Variants in ACTR3C observed in about 807,000 individuals in gnomAD.
ACTR3C encodes the protein actin related protein 3C, also known as actin-related protein 3C.
ACTR3C carries 18 observed loss-of-function variants against 26.3 expected under a neutral mutation model. The ratio of observed to expected loss-of-function variants is 0.68; its 90% CI spans 0.47 to 1.01. ACTR3C has a LOEUF of 1.01. Ranked by LOEUF, ACTR3C falls within the 50% of genes least tolerant of loss-of-function variation. The pLI, the probability that ACTR3C is intolerant of heterozygous loss-of-function variation, is 0.00. For missense variants in ACTR3C, 184 were observed against 250.7 expected (o/e 0.73, Z 1.80); for synonymous variants, 55 against 94.5 (o/e 0.58, Z 2.42).
chr7:150,045,856 C>G, the ACTR3C span, among the ~76,000 whole-genome samples: 1 of 152,214 alleles, frequency 6.6e-6, no homozygotes, highest in Non-Finnish European at 1.5e-5. Context: ...TGTTCTCACT[C>G]CAAACATCCA....
chr7:150,167,400 T>C, the ACTR3C span, among the ~76,000 whole-genome samples: 1 of 150,858 alleles, frequency 6.6e-6, no homozygotes, highest in Non-Finnish European at 1.5e-5. Flanking sequence ...ATCTATTTCC[T>C]ACAGCCCATG....
chr7:150,169,403 A>G, the ACTR3C span, among the ~76,000 whole-genome samples: 33 of 145,248 alleles, frequency 2.3e-4, no homozygotes, highest in Non-Finnish European at 1.8e-4. Context: ...AAAAAAAAAA[A>G]AAGAAGAAGA....
intron 6 of ACTR3C, among the ~76,000 whole-genome samples, chr7:150,269,419 C>A (rs190746995): frequency 1.3e-5 from 2 of 149,008 alleles, no homozygotes; most frequent in African/African-American, 5.1e-5. Flanking sequence ...CAAACCCCCC[C>A]ACCCGTGGGC....
chr7:149,996,729 C>A, the ACTR3C span, among the ~76,000 whole-genome samples: 7 of 146,814 alleles, frequency 4.8e-5, no homozygotes, highest in East Asian at 1.5e-3. Flanking sequence ...CTTTACAAAC[C>A]AAACATAACC....
At chr7:150,232,545 C>T in the ACTR3C span, among the ~76,000 whole-genome samples, 2 of 146,896 alleles carry the variant, frequency 1.4e-5, no homozygotes, top group Non-Finnish European at 2.9e-5. Context: ...ATTTTAAGGC[C>T]AGGCACAGTG....
At chr7:150,080,682 C>T in the ACTR3C span, among the ~76,000 whole-genome samples, 1 of 152,168 alleles carries the variant, frequency 6.6e-6, no homozygotes, top group East Asian at 1.9e-4. Flanking sequence ...GGTGAGATTC[C>T]ACATGATCAC....
chr7:150,154,521 G>T, the ACTR3C span, among the ~76,000 whole-genome samples: 1 of 151,966 alleles, frequency 6.6e-6, no homozygotes. Context: ...CAATGCCTGA[G>T]TCAAGAGCAA....
At chr7:150,092,887 T>G in the ACTR3C span, among the ~76,000 whole-genome samples, 1 of 151,424 alleles carries the variant, frequency 6.6e-6, no homozygotes, top group Non-Finnish European at 1.5e-5. Flanking sequence ...CTGTGGAGAA[T>G]TGGCTCCAGA....
At chr7:150,090,924 G>A in the ACTR3C span, among the ~76,000 whole-genome samples, 2 of 152,200 alleles carry the variant, frequency 1.3e-5, no homozygotes, top group African/African-American at 2.4e-5. Context: ...TCTGGAGTGA[G>A]GCAGAATCTA....
chr7:150,272,907 C>G lies in ACTR3C; in HGVS notation c.564+11846G>C, dbSNP rs559579759. On this transcript the variant is annotated intron_variant, in intron 6 of 7. Transcript: ENST00000683684. ...ATGGGGTCTTGCTATGTCAACCAGG[C>G]TGGTTTCCAGCTCCTGGTCTTAAAC... Among the ~76,000 whole-genome samples the G allele has an allele frequency of 5.0e-5, 7 of 138,716 alleles. No homozygotes were observed. In the East Asian group the frequency reaches 1.4e-3, roughly 28 times the overall value. The allele number at this position is 138,716 out of a possible 152,430, so 91.0% of individuals were successfully genotyped here. A position where few individuals can be genotyped will look rare whatever the true frequency, so the allele number is the denominator to read the frequency against.
the ACTR3C span, among the ~76,000 whole-genome samples, chr7:150,154,515 G>A: frequency 2.0e-5 from 3 of 151,960 alleles, no homozygotes; most frequent in Non-Finnish European, 4.4e-5. Context: ...CTACTTCAAT[G>A]CCTGAGTCAA....
chr7:150,037,080 CT>C, the ACTR3C span, among the ~76,000 whole-genome samples: 2 of 110,588 alleles, frequency 1.8e-5, no homozygotes, highest in African/African-American at 6.3e-5. Context: ...GTGCCTCCCC[CT>C]CGTGCGATGG....
At chr7:150,299,116 G>A (rs1302982454) in intron 1 of ACTR3C, among the ~76,000 whole-genome samples, 1 of 151,108 alleles carries the variant, frequency 6.6e-6, no homozygotes, top group Non-Finnish European at 1.5e-5. Context: ...CAGAGTAGCT[G>A]GGATTACAGG....
At chr7:150,315,560 C>A (rs1218052991) in intron 1 of ACTR3C, among the ~76,000 whole-genome samples, 1 of 152,126 alleles carries the variant, frequency 6.6e-6, no homozygotes, top group Non-Finnish European at 1.5e-5. Context: ...TGTTAGCATT[C>A]AACATATTTT....
the ACTR3C span, among the ~76,000 whole-genome samples, chr7:150,100,761 T>C: frequency 4.0e-5 from 6 of 151,460 alleles, no homozygotes; most frequent in Non-Finnish European, 1.5e-5. Context: ...TGGAGTGCAG[T>C]GGTGCGATCT....
chr7:150,169,033 G>A, the ACTR3C span, among the ~76,000 whole-genome samples: 7 of 150,592 alleles, frequency 4.6e-5, no homozygotes, highest in Admixed American at 4.6e-4. Context: ...AATTAATTAG[G>A]TATAGACGAG....
the ACTR3C span, among the ~76,000 whole-genome samples, chr7:150,152,704 A>G: frequency 3.3e-5 from 5 of 152,304 alleles, no homozygotes; most frequent in South Asian, 1.0e-3. Context: ...GAATTGTTTC[A>G]GAAGGAATGG....
At chr7:150,133,290 G>A in the ACTR3C span, among the ~76,000 whole-genome samples, 1 of 152,134 alleles carries the variant, frequency 6.6e-6, no homozygotes, top group Non-Finnish European at 1.5e-5. Flanking sequence ...TCACAGCAAC[G>A]ATGTGACAAG....
At chr7:150,045,087 T>G in the ACTR3C span, 2 of 152,248 alleles carry the variant, frequency 1.3e-5, no homozygotes, top group African/African-American at 4.8e-5. Flanking sequence ...TGCAATGTGT[T>G]CCTAATTCAT....
Sources: allele counts gnomAD v4.1 joint callset (sites outside exome capture counted in the v4.1 genomes callset), GRCh38; gene constraint gnomAD v4.1.1; transcripts MANE v1.5; gene names NCBI Gene and HGNC (gene_info 2026-07-23, HGNC 2026-07-21).